LMNA: variants seen among roughly 807,000 people sequenced by gnomAD.
LMNA encodes the protein lamin A/C.
Under a neutral mutation model 70.4 loss-of-function variants are expected in LMNA, and 20 were observed. The observed-to-expected ratio is 0.28, with a 90% CI of 0.20 to 0.41. LMNA has a LOEUF of 0.41. LMNA is among the 10% of genes least tolerant of loss of function. The pLI, the probability that LMNA is intolerant of heterozygous loss-of-function variation, is 1.00. For synonymous variants in LMNA, 339 were observed against 372.8 expected (o/e 0.91, Z 1.04); for missense variants, 652 against 917.2 (o/e 0.71, Z 3.73).
intron 3 of LMNA, among the ~76,000 whole-genome samples, chr1:156,109,081 AG>A (rs1649445668): frequency 6.6e-6 from 1 of 152,204 alleles, no homozygotes; most frequent in East Asian, 1.9e-4. Flanking sequence ...TCTGTAAAAT[AG>A]GGCTATTAAT....
At chr1:156,119,275 G>A (rs550952465) in intron 1 of LMNA, among the ~76,000 whole-genome samples, 18 of 152,162 alleles carry the variant, frequency 1.2e-4, no homozygotes, top group African/African-American at 3.1e-4. Flanking sequence ...ATGCCATCAC[G>A]CCCAGTTAAT....
chr1:156,132,896 ATGG>A (rs1651205688), intron 2 of LMNA, among the ~76,000 whole-genome samples: 1 of 141,822 alleles, frequency 7.1e-6, no homozygotes, highest in African/African-American at 2.7e-5. Flanking sequence ...CTGGAGTGCA[ATGG>A]CACGATCTCA....
At chr1:156,101,377 A>G (rs1000521041) in intron 3 of LMNA, among the ~76,000 whole-genome samples, 5 of 152,208 alleles carry the variant, frequency 3.3e-5, no homozygotes, top group African/African-American at 1.2e-4. Context: ...ACCTGGTCCC[A>G]GCTACTCAGG....
chr1:156,136,539 GGT>G lies in LMNA; in HGVS notation c.1380+105_1380+106del. The G allele has an allele frequency of 2.0e-5, 24 of 1,190,808 alleles. No homozygotes were observed. Among genetic ancestry groups the G allele is most frequent in the Non-Finnish European group, 2.9e-5 (24 of 832,656 alleles). The allele number at this position is 1,190,808 out of a possible 1,614,324, so 73.8% of individuals were successfully genotyped here. A position where few individuals can be genotyped will look rare whatever the true frequency, so the allele number is the denominator to read the frequency against. Reference sequence around the variant, plus strand: ...GAGAGGAACATCCTTGCCCTCAGAGGGTGGACCAGGGTGAGCCTGTATATCTC... The same window carrying G: ...GAGAGGAACATCCTTGCCCTCAGAGGGGACCAGGGTGAGCCTGTATATCTC... On this transcript the variant is annotated intron_variant, in intron 7 of 11. Coordinates refer to ENST00000368300, the MANE Select transcript of LMNA (RefSeq NM_170707.4). The surrounding 1 kb of genome is among the most constrained non-coding windows in gnomAD (Gnocchi z 6.1).
chr1:156,102,688 A>T (rs1179976468), intron 3 of LMNA, among the ~76,000 whole-genome samples: 1 of 152,018 alleles, frequency 6.6e-6, no homozygotes, highest in Non-Finnish European at 1.5e-5. Flanking sequence ...TCCTTCATTA[A>T]GCTTTGGTTT....
rs1430760856 is a variant in LMNA, at chr1:156,085,479, G to A, written c.-319+2295G>A. ...CCACTCTCTGCCTTATGACCAGAAA[G>A]GTGTAGAGGTGGCATACTTCTCCCT... On this transcript the variant is annotated intron_variant, in intron 2 of 12. Coordinates refer to the LMNA transcript ENST00000368301. Among the ~76,000 whole-genome samples, 6 of 152,314 alleles carry A rather than the reference G, an allele frequency of 3.9e-5. No individual in the cohort carries two copies. The South Asian group carries it at 8.3e-4, about 21-fold the overall frequency.
At chr1:156,096,722 A>G (rs1648949612) in intron 3 of LMNA, among the ~76,000 whole-genome samples, 1 of 152,250 alleles carries the variant, frequency 6.6e-6, no homozygotes, top group Non-Finnish European at 1.5e-5. Flanking sequence ...GCCTCCTGCC[A>G]CTCAGGACTA....
intron 2 of LMNA, among the ~76,000 whole-genome samples, chr1:156,131,815 C>T (rs998496056): frequency 1.3e-5 from 2 of 152,160 alleles, no homozygotes; most frequent in African/African-American, 4.8e-5. Flanking sequence ...GTTAATAATG[C>T]TTTGTGTATA....
In LMNA at chr1:156,137,973, C is replaced by A; in HGVS notation, c.1698+230C>A. ...GGAAGGGAGTGGGAACTTTCTGATG[C>A]CATGGAATATTCCTGTGGGAGCAGT... On this transcript the variant is annotated intron_variant, in intron 10 of 11. Transcript: ENST00000368300. The surrounding 1 kb of genome is among the most constrained non-coding windows in gnomAD (Gnocchi z 4.6). The A allele has an allele frequency of 4.8e-6, 4 of 829,938 alleles. No homozygotes were observed. The highest frequency in any genetic ancestry group is 1.8e-5 in the South Asian group (1 of 55,634). 51.4% of individuals were successfully genotyped at this position (829,938 alleles called of 1,614,324 possible).
Position 156,135,845 on chromosome 1 carries a change from C to T in LMNA, c.937-56C>T. The T allele has an allele frequency of 6.7e-7, 1 of 1,500,124 alleles. No individual in the cohort carries two copies. 92.9% of individuals were successfully genotyped at this position (1,500,124 alleles called of 1,614,324 possible). On this transcript the variant is annotated intron_variant, in intron 5 of 11. Transcript: ENST00000368300. This position sits in a 1 kb window ranked among gnomAD's most constrained non-coding sequence, Gnocchi z 4.8. ...GTCTCCTACACCGACCCACGTCCCT[C>T]CTTCCCCATACTTAGGGCCCTTGGG...
intron 1 of LMNA, among the ~76,000 whole-genome samples, chr1:156,130,394 TG>T (rs1256585201): frequency 6.6e-6 from 1 of 151,786 alleles, no homozygotes; most frequent in Non-Finnish European, 1.5e-5. Context: ...CCCTGAGTCA[TG>T]GGAAGGGTGG....
chr1:156,127,738 G>A (rs1441981104), intron 1 of LMNA, among the ~76,000 whole-genome samples: 1 of 149,742 alleles, frequency 6.7e-6, no homozygotes, highest in Non-Finnish European at 1.5e-5. Context: ...CCAGGCTGGA[G>A]TACAGTGGTA....
At chr1:156,113,629 T>G (rs1460924801), upstream of LMNA, among the ~76,000 whole-genome samples, 1 of 151,936 alleles carries the variant, frequency 6.6e-6, no homozygotes, top group Admixed American at 6.6e-5. Flanking sequence ...CACTACCTTC[T>G]TGCCCCCCAC....
chr1:156,106,061 G>C (rs1649323733), intron 3 of LMNA, among the ~76,000 whole-genome samples: 1 of 152,144 alleles, frequency 6.6e-6, no homozygotes, highest in African/African-American at 2.4e-5. Context: ...CGTGAACCCG[G>C]GAGGCGGGGC....
chr1:156,094,407 TG>T (rs1340817749), intron 3 of LMNA, among the ~76,000 whole-genome samples: 7 of 150,926 alleles, frequency 4.6e-5, no homozygotes, highest in Non-Finnish European at 8.9e-5. Context: ...GGTGCAGTCT[TG>T]GCTCACTGCA....
Position 156,101,584 on chromosome 1 carries a change from G to A in LMNA, c.-207+11002G>A, listed in dbSNP as rs1225872839. The stretch of plus-strand genomic sequence containing the variant: ...GCAGAGGCAAGGGTGGAGGCAGAGA[G>A]ACTGGTTGGGAGGCTGCTGCAGTTA... On this transcript the variant is annotated intron_variant, in intron 3 of 12. Coordinates refer to the LMNA transcript ENST00000368301. Among the ~76,000 whole-genome samples the A allele has an allele frequency of 5.5e-5, 8 of 145,890 alleles. No individual in the cohort carries two copies. In the Admixed American group the frequency reaches 5.7e-4, roughly 10 times the overall value.
chr1:156,108,267 T>C (rs1488635970), intron 3 of LMNA, among the ~76,000 whole-genome samples: 2 of 152,114 alleles, frequency 1.3e-5, no homozygotes, highest in African/African-American at 2.4e-5. Flanking sequence ...CTTCAATCAT[T>C]GTTTAATACC....
intron 1 of LMNA, among the ~76,000 whole-genome samples, chr1:156,124,269 G>GC (rs1445576788): frequency 2.6e-5 from 4 of 151,760 alleles, no homozygotes; most frequent in Non-Finnish European, 4.4e-5. Flanking sequence ...TGGAACAGCT[G>GC]CCCCCCTCAG....
At chr1:156,102,941 T>C (rs1558110819) in intron 3 of LMNA, among the ~76,000 whole-genome samples, 1 of 152,184 alleles carries the variant, frequency 6.6e-6, no homozygotes, top group Non-Finnish European at 1.5e-5. Flanking sequence ...GGGTCTGCCT[T>C]ATTTCCTGGG....
Sources: gnomAD v4.1 joint callset for allele counts (sites outside exome capture counted in the v4.1 genomes callset) on GRCh38, gnomAD v4.1.1 for gene constraint, Gnocchi (gnomAD v3.1) non-coding constraint, MANE v1.5 for transcripts, NCBI Gene and HGNC (gene_info 2026-07-23, HGNC 2026-07-21) for gene names.